The following EML6 variants were observed in gnomAD, a reference collection of about 807,000 sequenced individuals.
The protein encoded by EML6 is echinoderm microtubule-associated protein-like 6.
In EML6, 154 loss-of-function variants were observed where a neutral mutation model predicts 240.1. The observed-to-expected ratio is 0.64, with a 90% CI of 0.56 to 0.73. EML6 has a LOEUF of 0.73. Ranked by LOEUF, EML6 falls within the 30% of genes least tolerant of loss-of-function variation. The pLI is 0.00. For synonymous variants in EML6, 1,148 were observed against 899.0 expected, an observed-to-expected ratio of 1.28 and a Z score of -4.95; for missense variants, 2,964 against 2,474.6, an observed-to-expected ratio of 1.20 and a Z score of -4.20.
chr2:54,827,761 A>G lies in EML6; in HGVS notation c.711+10A>G. 2 of 1,542,414 alleles carry G rather than the reference A, an allele frequency of 1.3e-6. No individual in the cohort carries two copies. Among genetic ancestry groups the G allele is most frequent in the Non-Finnish European group, 1.8e-6 (2 of 1,139,038 alleles). On this transcript the variant is annotated intron_variant, in intron 6 of 41. Coordinates refer to ENST00000356458, the MANE Select transcript of EML6 (RefSeq NM_001039753.4). Reference sequence around the variant, plus strand: ...TCAAGGAGCACATAGTGTAAGTATTACCTTGTGGAAATCTGTGGGTGACCT... The same window carrying G: ...TCAAGGAGCACATAGTGTAAGTATTGCCTTGTGGAAATCTGTGGGTGACCT...
At chr2:54,961,184 G>GTTGTTGTTTTTTT in intron 35 of EML6, among the ~76,000 whole-genome samples, 5 of 55,420 alleles carry the variant, frequency 9.0e-5, no homozygotes, top group Admixed American at 2.7e-4. Context: ...TCAGGAAGTA[G>GTTGTTGTTTTTTT]TTTTTTTTTT....
chr2:54,951,650 T>C (rs1424417607), intron 30 of EML6, among the ~76,000 whole-genome samples: 1 of 151,878 alleles, frequency 6.6e-6, no homozygotes, highest in Non-Finnish European at 1.5e-5. Context: ...ACTATATCAT[T>C]ACCACCAGAT....
chr2:54,919,341 A>T (rs1427056422), intron 26 of EML6, among the ~76,000 whole-genome samples: 1 of 150,454 alleles, frequency 6.6e-6, no homozygotes, highest in East Asian at 2.0e-4. Flanking sequence ...ATTCAATCTC[A>T]ATTATTTGCT....
chr2:54,752,176 A>T (rs1684205859), intron 2 of EML6, among the ~76,000 whole-genome samples: 1 of 152,170 alleles, frequency 6.6e-6, no homozygotes, highest in Admixed American at 6.5e-5. Flanking sequence ...TGTTTTTTAA[A>T]AGTTACTTTT....
rs35834327 is a variant in EML6 at position 54,862,338 on chromosome 2, T to TAAAAA, written c.1826-1422_1826-1418dup. On this transcript the variant is annotated intron_variant, in intron 12 of 41. Transcript: ENST00000356458. ...GGGTGACATAACATGACTCCATCTC[T>TAAAAA]AAAAAAAAAAAAAAAAAAAAAAAAA... 1.9e-4 allele frequency among the ~76,000 whole-genome samples: 7 copies of TAAAAA among 37,730 alleles called. 1 individual carries two copies. The highest frequency in any genetic ancestry group is 4.1e-4 in the Admixed American group (1 of 2,430). 24.8% of individuals were successfully genotyped at this position (37,730 alleles called of 152,430 possible). A position where few individuals can be genotyped will look rare whatever the true frequency, so the allele number is the denominator to read the frequency against.
rs1558635114 is a variant in EML6 at position 54,871,567 on chromosome 2, GACA to G, written c.2310_2312del (p.Gln770del). On this transcript the variant is annotated inframe_deletion, in exon 16 of 42. Transcript: ENST00000356458. ...CTAAAATGTTTGTCGCTGTTGAAAG[GACA>G]ACATCAGAGAGGAGTGTGTGCACTT... 3 of 1,551,728 alleles carry G rather than the reference GACA, an allele frequency of 1.9e-6. No homozygotes were observed. The highest frequency in any genetic ancestry group is 2.6e-6 in the Non-Finnish European group (3 of 1,146,940).
At chr2:54,742,093 C>T (rs1683668975) in intron 2 of EML6, among the ~76,000 whole-genome samples, 1 of 152,150 alleles carries the variant, frequency 6.6e-6, no homozygotes, top group South Asian at 2.1e-4. Context: ...AAAAAGATTC[C>T]TCAAGTGGTT....
At chr2:54,834,038 G>A (rs1432470834) in intron 7 of EML6, among the ~76,000 whole-genome samples, 2 of 152,124 alleles carry the variant, frequency 1.3e-5, no homozygotes, top group African/African-American at 4.8e-5. Flanking sequence ...AAATGCATCT[G>A]GCACCAAAGG....
intron 28 of EML6, among the ~76,000 whole-genome samples, chr2:54,932,758 G>A (rs1441389269): frequency 1.3e-5 from 2 of 152,184 alleles, no homozygotes; most frequent in Admixed American, 1.3e-4. Context: ...GGTAAAAACA[G>A]TTTTCCCCAA....
chr2:54,897,331 A>G (rs1444911565), intron 21 of EML6, among the ~76,000 whole-genome samples: 1 of 152,098 alleles, frequency 6.6e-6, no homozygotes, highest in Non-Finnish European at 1.5e-5. Context: ...GTTTGTTTCT[A>G]TTGCTCTAAT....
At chr2:54,797,737 C>T (rs1185225567) in intron 2 of EML6, among the ~76,000 whole-genome samples, 4 of 152,096 alleles carry the variant, frequency 2.6e-5, no homozygotes, top group African/African-American at 9.7e-5. Context: ...AGGTTATAAG[C>T]ACCAGCTTTA....
chr2:54,789,345 C>G (rs1333568740), intron 2 of EML6, among the ~76,000 whole-genome samples: 1 of 151,100 alleles, frequency 6.6e-6, no homozygotes, highest in Non-Finnish European at 1.5e-5. Flanking sequence ...AACCCCGTCT[C>G]TACTAAAAAT....
At chr2:54,920,057 C>T (rs1674140918) in intron 26 of EML6, among the ~76,000 whole-genome samples, 1 of 151,976 alleles carries the variant, frequency 6.6e-6, no homozygotes, top group South Asian at 2.1e-4. Context: ...TTAAAGTAAA[C>T]TGTAGAATTA....
At chr2:54,889,007 C>T (rs1410413010) in intron 17 of EML6, among the ~76,000 whole-genome samples, 1 of 152,218 alleles carries the variant, frequency 6.6e-6, no homozygotes, top group African/African-American at 2.4e-5. Flanking sequence ...TAGCACTCCA[C>T]AGACTAGCCA....
chr2:54,869,393 CT>C, intron 15 of EML6, 26 bp downstream of exon 15: 1 of 1,469,968 alleles, frequency 6.8e-7, no homozygotes, highest in African/African-American at 1.4e-5. Context: ...AAACTAGGGC[CT>C]AGCCAAAAAG....
chr2:54,857,478 C>G (rs994081860), intron 11 of EML6, among the ~76,000 whole-genome samples: 1 of 152,100 alleles, frequency 6.6e-6, no homozygotes, highest in South Asian at 2.1e-4. Flanking sequence ...TGGAGATAGG[C>G]CAGTGATGAA....
At position 54,820,478 on chromosome 2, in the gene EML6, T is replaced by A; in HGVS notation, c.525+16T>A. 1 of 1,511,350 alleles carries A rather than the reference T, an allele frequency of 6.6e-7. No homozygotes were observed. Among genetic ancestry groups the A allele is most frequent in the African/African-American group, 1.4e-5 (1 of 71,828 alleles). 93.6% of individuals were successfully genotyped at this position (1,511,350 alleles called of 1,614,324 possible). ...ACACATAAAGGTAAAGCTTTTTGTT[T>A]TTTAATTTTGGTACCTTGAGTGCAA... On this transcript the variant is annotated intron_variant, in intron 5 of 41. Transcript: ENST00000356458.
At chr2:54,748,666 C>G (rs1684023888) in intron 2 of EML6, among the ~76,000 whole-genome samples, 1 of 152,022 alleles carries the variant, frequency 6.6e-6, no homozygotes, top group Admixed American at 6.5e-5. Context: ...CTCAAATGAT[C>G]CTCTCACCCT....
intron 28 of EML6, among the ~76,000 whole-genome samples, chr2:54,941,853 A>G (rs1675445603): frequency 6.6e-6 from 1 of 152,238 alleles, no homozygotes; most frequent in Non-Finnish European, 1.5e-5. Flanking sequence ...GTTCTGCAAG[A>G]GTTCTGCCCG....
Sources: allele counts gnomAD v4.1 joint callset (sites outside exome capture counted in the v4.1 genomes callset), GRCh38; gene constraint gnomAD v4.1.1; transcripts MANE v1.5; gene names NCBI Gene and HGNC (gene_info 2026-07-23, HGNC 2026-07-21).